Variants in ADAMTS8 observed in about 807,000 individuals in gnomAD.
The protein encoded by ADAMTS8 is A disintegrin and metalloproteinase with thrombospondin motifs 8.
A neutral mutation model predicts 64.4 loss-of-function variants in ADAMTS8; 50 were observed. That is an observed-to-expected ratio of 0.78 (90% CI 0.62 to 0.98). The LOEUF is 0.98. Ranked by LOEUF, ADAMTS8 falls within the 50% of genes least tolerant of loss-of-function variation. The pLI, the probability that ADAMTS8 is intolerant of heterozygous loss-of-function variation, is 0.00. For synonymous variants in ADAMTS8, 556 were observed against 533.6 expected (o/e 1.04, Z -0.58); for missense variants, 1,192 against 1,208.2 (o/e 0.99, Z 0.20).
At position 130,419,121 on chromosome 11, in the gene ADAMTS8, G is replaced by A. The variant is rs770062386; in HGVS notation, c.892C>T (p.Arg298Trp). Residue 298 changes from arginine to tryptophan, a missense_variant, in exon 2 of 9, where the codon CGG becomes TGG. Transcript: ENST00000257359. ...CGGTCGCTGGGCTGGTTGAAACGCCGCTGCCAGTTGCAGAAGTTACGCAGT... is the reference window on the plus strand; with the variant it reads ...CGGTCGCTGGGCTGGTTGAAACGCCACTGCCAGTTGCAGAAGTTACGCAGT... ...LTLRNFCNWQ[R>W]RFNQPSDRHP... 4 of 1,614,188 alleles carry A rather than the reference G, an allele frequency of 2.5e-6. No individual in the cohort carries two copies. The highest frequency in any genetic ancestry group is 2.2e-5 in the East Asian group (1 of 44,888).
chr11:130,407,864 A>G (rs1861903656), intron 8 of ADAMTS8, among the ~76,000 whole-genome samples: 1 of 152,212 alleles, frequency 6.6e-6, no homozygotes, highest in Admixed American at 6.5e-5. Flanking sequence ...TGCTCACCTC[A>G]TGGACTTATT....
rs551077641 is a variant in ADAMTS8 at position 130,411,919 on chromosome 11, C to T, written c.1567-319G>A. ...TATGGGAATAAGGTTGCATATAATG[C>T]AGTGGTTCTCCGTTGGGGCGAATTC... is the stretch of plus-strand genomic sequence containing the variant. On this transcript the variant is annotated intron_variant, in intron 5 of 8. Coordinates refer to ENST00000257359, the MANE Select transcript of ADAMTS8 (RefSeq NM_007037.6). This position sits in a 1 kb window ranked among gnomAD's most constrained non-coding sequence, Gnocchi z 4.2. 3.2e-6 allele frequency: 1 copy of T among 311,274 alleles called. No homozygotes were observed. The allele number at this position is 311,274 out of a possible 1,614,324, so 19.3% of individuals were successfully genotyped here.
chr11:130,407,712 T>A (rs945845208), intron 8 of ADAMTS8, among the ~76,000 whole-genome samples: 3 of 152,192 alleles, frequency 2.0e-5, no homozygotes, highest in African/African-American at 7.2e-5. Context: ...GTACATGGAA[T>A]GGGAGACAAA....
Position 130,416,141 on chromosome 11 carries a change from G to C in ADAMTS8, c.1264+22C>G. On this transcript the variant is annotated intron_variant, in intron 4 of 8. Coordinates refer to ENST00000257359, the MANE Select transcript of ADAMTS8 (RefSeq NM_007037.6). The surrounding 1 kb of genome is among the most constrained non-coding windows in gnomAD (Gnocchi z 4.8). ...GGAAGGAGGCCCACGGGGACAAGTA[G>C]GGCGGGGCCGCCGGTGCCTACCGTG... is the stretch of plus-strand genomic sequence containing the variant. 1.3e-6 allele frequency: 2 copies of C among 1,549,552 alleles called. No homozygotes were observed. Among genetic ancestry groups the C allele is most frequent in the Non-Finnish European group, 1.7e-6 (2 of 1,146,006 alleles).
At chr11:130,426,075 G>T (rs1862162945) in intron 1 of ADAMTS8, among the ~76,000 whole-genome samples, 1 of 152,236 alleles carries the variant, frequency 6.6e-6, no homozygotes, top group Admixed American at 6.5e-5. Context: ...GACAGGCAGG[G>T]AAACAGGTGT....
At chr11:130,425,670 C>A (rs370358159) in intron 1 of ADAMTS8, among the ~76,000 whole-genome samples, 3 of 151,324 alleles carry the variant, frequency 2.0e-5, no homozygotes, top group African/African-American at 7.3e-5. Flanking sequence ...GCGCGGTCTC[C>A]GCTCACTGCA....
chr11:130,414,980 T>A, intron 4 of ADAMTS8, 148 bp from the exon 5 acceptor site: 1 of 877,086 alleles, frequency 1.1e-6, no homozygotes, highest in Non-Finnish European at 1.7e-6. Flanking sequence ...GATGATCTAG[T>A]GAGAGCATGC....
rs115035474 is a variant in ADAMTS8, at chr11:130,416,460, G to A, written c.1097-130C>T. ...TCACTCTCCGAAGATTTCTGCGTAG[G>A]GCTTTCCCCTGCGCTTTGCTCTTCC... On this transcript the variant is annotated intron_variant, in intron 3 of 8. Transcript: ENST00000257359. The surrounding 1 kb of genome is among the most constrained non-coding windows in gnomAD (Gnocchi z 4.8). 0.044 allele frequency: 46,590 copies of A among 1,052,962 alleles called. 1,350 individuals are homozygous for A. Among genetic ancestry groups the A allele is most frequent in the South Asian group, 0.092 (5,234 of 56,754 alleles). 65.2% of individuals were successfully genotyped at this position (1,052,962 alleles called of 1,614,324 possible). A position where few individuals can be genotyped will look rare whatever the true frequency, so the allele number is the denominator to read the frequency against.
At chr11:130,422,395 G>A (rs972408102) in intron 1 of ADAMTS8, among the ~76,000 whole-genome samples, 4 of 152,168 alleles carry the variant, frequency 2.6e-5, no homozygotes, top group East Asian at 1.9e-4. Flanking sequence ...AGCCAGCTGC[G>A]GTGGGTGATG....
chr11:130,417,574 A>G (rs4936100), intron 2 of ADAMTS8, among the ~76,000 whole-genome samples: 125,393 of 151,546 alleles, frequency 0.83, 52,200 homozygotes, highest in East Asian at 0.97. Flanking sequence ...AACTTTAGAG[A>G]CGAGGTCTGG....
Position 130,428,028 on chromosome 11 carries a change from A to ATTTTTTAATGATACG in ADAMTS8, c.258_259insCGTATCATTAAAAAA (p.Gly86_Ser87insArgIleIleLysLys). On this transcript the variant is annotated inframe_insertion, in exon 1 of 9. Coordinates refer to ENST00000257359, the MANE Select transcript of ADAMTS8 (RefSeq NM_007037.6). ...CGCTCGCCCCCGGTCGCCCGGCCGG[A>ATTTTTTAATGATACG]GCCCCCGAGGCGCTCGATCTTGAAC... The ATTTTTTAATGATACG allele has an allele frequency of 6.5e-7, 1 of 1,526,934 alleles. No homozygotes were observed. Among genetic ancestry groups the ATTTTTTAATGATACG allele is most frequent in the Non-Finnish European group, 8.7e-7 (1 of 1,143,668 alleles). The allele number at this position is 1,526,934 out of a possible 1,614,324, so 94.6% of individuals were successfully genotyped here. A position where few individuals can be genotyped will look rare whatever the true frequency, so the allele number is the denominator to read the frequency against.
intron 2 of ADAMTS8, among the ~76,000 whole-genome samples, chr11:130,417,504 C>A (rs956296920): frequency 6.6e-6 from 1 of 152,088 alleles, no homozygotes; most frequent in Admixed American, 6.5e-5. Context: ...CAATCCGGCT[C>A]CTTCGGCCTC....
intron 8 of ADAMTS8, among the ~76,000 whole-genome samples, chr11:130,406,403 T>C (rs75793630): frequency 0.11 from 16,404 of 152,186 alleles, 1,106 homozygotes; most frequent in African/African-American, 0.18. Context: ...GAGAACAGCA[T>C]AGAGACGAGG....
rs1398557783 is a variant in ADAMTS8, at chr11:130,416,928, A to G, written c.1096+12T>C. 4 of 1,613,964 alleles carry G rather than the reference A, an allele frequency of 2.5e-6. No homozygotes were observed. Among genetic ancestry groups the G allele is most frequent in the Middle Eastern group, 1.6e-4 (1 of 6,084 alleles). ...GATGTGGTGAAGTGGGCTTTGGCAC[A>G]GCAAATCTTACCTAGTTCATGGGCC... On this transcript the variant is annotated intron_variant, in intron 3 of 8. Coordinates refer to ENST00000257359, the MANE Select transcript of ADAMTS8 (RefSeq NM_007037.6). This position sits in a 1 kb window ranked among gnomAD's most constrained non-coding sequence, Gnocchi z 4.8.
rs1289749213 is a variant in ADAMTS8, at chr11:130,405,370, C to T, written c.*188G>A. On this transcript the variant is annotated 3_prime_UTR_variant, in exon 9 of 9. Coordinates refer to ENST00000257359, the MANE Select transcript of ADAMTS8 (RefSeq NM_007037.6). ...CTGGACAGTTGATGATAGGGTCTGC[C>T]GCCCCATACCCTCTCCTCTTCCCCC... 8.6e-6 allele frequency: 12 copies of T among 1,402,768 alleles called. No homozygotes were observed. The highest frequency in any genetic ancestry group is 7.0e-5 in the South Asian group (4 of 56,848). The allele number at this position is 1,402,768 out of a possible 1,614,324, so 86.9% of individuals were successfully genotyped here. A position where few individuals can be genotyped will look rare whatever the true frequency, so the allele number is the denominator to read the frequency against.
Position 130,416,255 on chromosome 11 carries a change from A to G in ADAMTS8, c.1172T>C (p.Val391Ala). 1 of 1,584,938 alleles carries G rather than the reference A, an allele frequency of 6.3e-7. No individual in the cohort carries two copies. Reference sequence around the variant, plus strand: ...CAGGTGGACGAACAGCGGTGCCATCACGTGGTGCTTGCCCATGGGCCCGAA... The same window carrying G: ...CAGGTGGACGAACAGCGGTGCCATCGCGTGGTGCTTGCCCATGGGCCCGAA... ...RLFGPMGKHH[V>A]MAPLFVHLNQ... The change falls in exon 4 of 9, where the codon GTG (valine) becomes GCG (alanine). Residue 391 changes from valine (V) to alanine (A), a missense_variant. This residue lies in a region of ADAMTS8 where 741 missense variants were observed against 710.6 expected (regional missense o/e 1.04). Coordinates refer to ENST00000257359, the MANE Select transcript of ADAMTS8 (RefSeq NM_007037.6). The surrounding 1 kb of genome is among the most constrained non-coding windows in gnomAD (Gnocchi z 4.8).
chr11:130,419,428 G>A (rs553400517), intron 1 of ADAMTS8, 136 bp from the exon 2 acceptor site: 1 of 1,249,784 alleles, frequency 8.0e-7, no homozygotes. Context: ...ATACCCCCGA[G>A]GTCTCCGTGT....
At chr11:130,415,109 A>G (rs1015226618) in intron 4 of ADAMTS8, among the ~76,000 whole-genome samples, 2 of 152,192 alleles carry the variant, frequency 1.3e-5, no homozygotes, top group Non-Finnish European at 2.9e-5. Flanking sequence ...AGCTAACACA[A>G]TATTCATCCA....
Position 130,405,376 on chromosome 11 carries a change from A to C in ADAMTS8, c.*182T>G. ...AGTTGATGATAGGGTCTGCCGCCCCATACCCTCTCCTCTTCCCCCTTAGGA... is the reference window on the plus strand; with the variant it reads ...AGTTGATGATAGGGTCTGCCGCCCCCTACCCTCTCCTCTTCCCCCTTAGGA... On this transcript the variant is annotated 3_prime_UTR_variant, in exon 9 of 9. Coordinates refer to ENST00000257359, the MANE Select transcript of ADAMTS8 (RefSeq NM_007037.6). 1 of 1,415,596 alleles carries C rather than the reference A, an allele frequency of 7.1e-7. No homozygotes were observed. Among genetic ancestry groups the C allele is most frequent in the Non-Finnish European group, 9.2e-7 (1 of 1,090,226 alleles). The allele number at this position is 1,415,596 out of a possible 1,614,324, so 87.7% of individuals were successfully genotyped here. A position where few individuals can be genotyped will look rare whatever the true frequency, so the allele number is the denominator to read the frequency against.
Sources: allele counts gnomAD v4.1 joint callset (sites outside exome capture counted in the v4.1 genomes callset), GRCh38; gene constraint gnomAD v4.1.1; regional missense constraint gnomAD v4.1.1; non-coding constraint Gnocchi (gnomAD v3.1); transcripts MANE v1.5; gene names NCBI Gene and HGNC (gene_info 2026-07-23, HGNC 2026-07-21).